Variants in SPMIP5 observed in about 807,000 individuals in gnomAD.
The protein encoded by SPMIP5 is sperm-associated microtubule inner protein 5.
At chr10:116,664,742 G>T in the SPMIP5 span, 2 of 1,611,340 alleles carry the variant, frequency 1.2e-6, no homozygotes, top group South Asian at 2.2e-5. Flanking sequence ...CCTGGGGTAC[G>T]GACCCAAGCC....
chr10:116,664,944 C>A, the SPMIP5 span: 3 of 1,610,964 alleles, frequency 1.9e-6, no homozygotes, highest in African/African-American at 4.0e-5. Context: ...TACATATTTG[C>A]ATTCTGTAAA....
chr10:116,667,368 CAT>C, the SPMIP5 span, among the ~76,000 whole-genome samples: 7 of 152,222 alleles, frequency 4.6e-5, no homozygotes, highest in African/African-American at 1.7e-4. Context: ...CTTTAAACCA[CAT>C]AGTTTGTGGT....
the SPMIP5 span, chr10:116,664,201 G>A: frequency 3.7e-6 from 6 of 1,613,938 alleles, no homozygotes; most frequent in African/African-American, 8.0e-5. Flanking sequence ...GGATATTTTG[G>A]CAGCAGCTCT....
chr10:116,663,994 G>A, the SPMIP5 span: 11 of 1,544,778 alleles, frequency 7.1e-6, no homozygotes, highest in Non-Finnish European at 9.6e-6. Flanking sequence ...ACAGCCACAT[G>A]TCAGCGGAGT....
At chr10:116,664,558 G>A in the SPMIP5 span, 2 of 1,059,322 alleles carry the variant, frequency 1.9e-6, no homozygotes, top group Non-Finnish European at 2.6e-6. Flanking sequence ...TAGAGCTGCT[G>A]GGGAATGCTG....
chr10:116,666,455 AT>A, the SPMIP5 span, among the ~76,000 whole-genome samples: 7,590 of 148,646 alleles, frequency 0.051, 374 homozygotes, highest in African/African-American at 0.12. Context: ...CAATAAAACC[AT>A]TTTTTTTTTT....
the SPMIP5 span, among the ~76,000 whole-genome samples, chr10:116,663,527 G>A: frequency 1.3e-5 from 2 of 152,126 alleles, no homozygotes; most frequent in African/African-American, 2.4e-5. Flanking sequence ...TGGGCGTGGT[G>A]TCTGCGCCGC....
the SPMIP5 span, among the ~76,000 whole-genome samples, chr10:116,662,344 C>T: frequency 6.6e-6 from 1 of 152,184 alleles, no homozygotes; most frequent in African/African-American, 2.4e-5. Context: ...GCCAGAGCCA[C>T]GTGATACAAA....
At chr10:116,667,805 C>A in the SPMIP5 span, among the ~76,000 whole-genome samples, 3 of 152,164 alleles carry the variant, frequency 2.0e-5, no homozygotes, top group African/African-American at 7.2e-5. Context: ...AGTCCCAGGA[C>A]AAAGGCAGTC....
At chr10:116,665,290 G>C in the SPMIP5 span, 1,199 of 371,508 alleles carry the variant, frequency 3.2e-3, 27 homozygotes, top group African/African-American at 0.023. Flanking sequence ...TCAGCTACTT[G>C]GCTGAGGCTG....
the SPMIP5 span, chr10:116,665,404 CAAA>C: frequency 0.013 from 3,600 of 282,690 alleles, no homozygotes; most frequent in South Asian, 0.02. Flanking sequence ...GACTCCGTCT[CAAA>C]AAAAAAAAAA....
the SPMIP5 span, chr10:116,664,731 G>C: frequency 2.5e-6 from 4 of 1,606,666 alleles, no homozygotes; most frequent in Non-Finnish European, 3.4e-6. Context: ...TTGACCTTGT[G>C]CCTGGGGTAC....
chr10:116,662,966 A>G, the SPMIP5 span, among the ~76,000 whole-genome samples: 1 of 152,166 alleles, frequency 6.6e-6, no homozygotes, highest in South Asian at 2.1e-4. Context: ...GCGGATCACG[A>G]GGTCAGGAGA....
At chr10:116,663,567 G>A in the SPMIP5 span, 2 of 225,396 alleles carry the variant, frequency 8.9e-6, no homozygotes. Context: ...CCCAGGGACT[G>A]TTTGGTTAGA....
chr10:116,664,319 T>A, the SPMIP5 span: 1 of 1,289,296 alleles, frequency 7.8e-7, no homozygotes, highest in Non-Finnish European at 1.1e-6. Context: ...TTATTAAGAA[T>A]AGAATAATAA....
At chr10:116,668,319 GCTCT>G in the SPMIP5 span, 9 of 1,610,598 alleles carry the variant, frequency 5.6e-6, no homozygotes, top group African/African-American at 1.3e-5. Flanking sequence ...CCATGATTTC[GCTCT>G]CTGTTAGTGG....
the SPMIP5 span, chr10:116,665,912 C>G: frequency 8.4e-7 from 1 of 1,187,422 alleles, no homozygotes; most frequent in Non-Finnish European, 1.2e-6. Flanking sequence ...AGCATTTCAG[C>G]CCACCCTTTG....
chr10:116,662,598 G>A, the SPMIP5 span, among the ~76,000 whole-genome samples: 1 of 152,196 alleles, frequency 6.6e-6, no homozygotes, highest in African/African-American at 2.4e-5. Context: ...TGCCTCGTGT[G>A]GCTCTGCACA....
chr10:116,663,778 T>G, the SPMIP5 span: 1 of 1,062,736 alleles, frequency 9.4e-7, no homozygotes, highest in Admixed American at 3.1e-5. Flanking sequence ...CCACTCAGGA[T>G]GCAGGCGGCA....
Sources: gnomAD v4.1 joint callset for allele counts (sites outside exome capture counted in the v4.1 genomes callset) on GRCh38, gnomAD v4.1.1 for gene constraint, MANE v1.5 for transcripts, NCBI Gene and HGNC (gene_info 2026-07-23, HGNC 2026-07-21) for gene names.